RGS6: variants seen among roughly 807,000 people sequenced by gnomAD.
The protein encoded by RGS6 is regulator of G protein signaling 6.
Under a neutral mutation model 78.5 loss-of-function variants are expected in RGS6, and 30 were observed. The observed-to-expected ratio is 0.38, with a 90% CI of 0.29 to 0.52. RGS6 has a LOEUF of 0.52. Ranked by LOEUF, RGS6 falls within the 20% of genes least tolerant of loss-of-function variation. The probability of loss-of-function intolerance (pLI) is 0.85; values close to 1 mark genes in which losing one functional copy is unlikely to be tolerated. For missense variants in RGS6, 495 were observed against 609.7 expected, an observed-to-expected ratio of 0.81 and a Z score of 1.98; for synonymous variants, 206 against 206.0, an observed-to-expected ratio of 1.00 and a Z score of 0.00.
chr14:72,391,764 A>G (rs924652477), intron 3 of RGS6, among the ~76,000 whole-genome samples: 1 of 152,088 alleles, frequency 6.6e-6, no homozygotes, highest in African/African-American at 2.4e-5. Context: ...CCACCCCCTG[A>G]CAGGCCCTGG....
intron 2 of RGS6, among the ~76,000 whole-genome samples, chr14:72,330,056 C>T (rs7142983): frequency 0.044 from 6,626 of 152,308 alleles, 443 homozygotes; most frequent in African/African-American, 0.15. Flanking sequence ...ACAGCAGGTT[C>T]ACAGTCAACG....
chr14:72,249,055 C>T (rs1219559408), intron 2 of RGS6, among the ~76,000 whole-genome samples: 1 of 152,144 alleles, frequency 6.6e-6, no homozygotes, highest in Non-Finnish European at 1.5e-5. Context: ...CTGGGACTCC[C>T]TGTAACAAAA....
intron 2 of RGS6, among the ~76,000 whole-genome samples, chr14:72,333,082 C>T (rs1296528976): frequency 1.3e-5 from 2 of 152,190 alleles, no homozygotes. Flanking sequence ...CACAGGGGGC[C>T]AGGCTGCCTC....
intron 17 of RGS6, among the ~76,000 whole-genome samples, chr14:72,546,467 C>A (rs972273438): frequency 6.6e-6 from 1 of 152,190 alleles, no homozygotes; most frequent in Admixed American, 6.5e-5. Flanking sequence ...ACACTGGGCC[C>A]TAGACCCTGA....
the RGS6 span, among the ~76,000 whole-genome samples, chr14:71,922,755 C>A: frequency 6.6e-6 from 1 of 152,074 alleles, no homozygotes; most frequent in African/African-American, 2.4e-5. Flanking sequence ...TTATTATGTT[C>A]TTGACAGTTT....
At chr14:72,204,857 C>T (rs1262591040) in intron 2 of RGS6, among the ~76,000 whole-genome samples, 5 of 152,176 alleles carry the variant, frequency 3.3e-5, no homozygotes, top group Non-Finnish European at 2.9e-5. Context: ...CCTCATAGTG[C>T]TGTACTTATA....
intron 14 of RGS6, chr14:72,514,122 G>C (rs1039853201): frequency 2.6e-5 from 4 of 152,216 alleles, no homozygotes; most frequent in African/African-American, 9.6e-5. Context: ...CCAGTGAACA[G>C]AACTCAGCTT....
chr14:72,565,562 C>T lies in RGS6; in HGVS notation c.*3095C>T, dbSNP rs1266340825. On this transcript the variant is annotated 3_prime_UTR_variant, in exon 18 of 18. Coordinates refer to ENST00000553525, the MANE Select transcript of RGS6 (RefSeq NM_001204424.2). ...CAACTGCCAGTGCAGTCAGCTGGGC[C>T]TGCGCTCCAGGCTCACCACCGCTAA... 6.6e-6 allele frequency: 1 copy of T among 152,194 alleles called. No homozygotes were observed. Among genetic ancestry groups the T allele is most frequent in the Non-Finnish European group, 1.5e-5 (1 of 68,058 alleles). The allele number at this position is 152,194 out of a possible 1,614,324, so 9.4% of individuals were successfully genotyped here.
At chr14:72,472,213 A>G (rs1046125424) in intron 8 of RGS6, among the ~76,000 whole-genome samples, 2 of 151,172 alleles carry the variant, frequency 1.3e-5, no homozygotes, top group African/African-American at 4.9e-5. Context: ...CCTCTTATCT[A>G]TGCTGCAGAT....
chr14:72,116,295 T>A (rs976074486), intron 2 of RGS6, among the ~76,000 whole-genome samples: 3 of 152,128 alleles, frequency 2.0e-5, no homozygotes, highest in Non-Finnish European at 4.4e-5. Flanking sequence ...GCATCTACCA[T>A]GTGGCAGGTA....
chr14:72,020,232 T>A (rs768231096), intron 2 of RGS6, among the ~76,000 whole-genome samples: 5 of 152,236 alleles, frequency 3.3e-5, no homozygotes, highest in African/African-American at 4.8e-5. Context: ...TCTGCCAGAA[T>A]CTGGATTTCC....
Position 72,088,692 on chromosome 14 carries a change from C to T in RGS6, c.84+123817C>T, listed in dbSNP as rs78586726. The stretch of plus-strand genomic sequence containing the variant: ...TCATTCTCCTGCTTAAAAATCCCCC[C>T]GTCGTTTCCCGTTGCTCTTAGAACA... On this transcript the variant is annotated intron_variant, in intron 2 of 17. Transcript: ENST00000553525. 9.5e-3 allele frequency among the ~76,000 whole-genome samples: 1,452 copies of T among 152,290 alleles called. 13 individuals are homozygous for T. Among genetic ancestry groups the T allele is most frequent in the Non-Finnish European group, 0.014 (931 of 68,020 alleles).
chr14:72,487,777 T>C (rs928575157), intron 12 of RGS6, among the ~76,000 whole-genome samples: 8 of 152,302 alleles, frequency 5.3e-5, no homozygotes, highest in Admixed American at 2.6e-4. Flanking sequence ...GACTTCTGAC[T>C]CTTAGAATTA....
At chr14:72,470,894 A>G (rs865859126) in intron 8 of RGS6, among the ~76,000 whole-genome samples, 7 of 151,738 alleles carry the variant, frequency 4.6e-5, no homozygotes, top group African/African-American at 1.7e-4. Context: ...AAAAAAAAAA[A>G]AAACAAGATT....
intron 3 of RGS6, among the ~76,000 whole-genome samples, chr14:72,361,740 A>G (rs775247180): frequency 2.0e-5 from 3 of 152,128 alleles, no homozygotes; most frequent in Non-Finnish European, 4.4e-5. Context: ...ATGGAATGAG[A>G]AGCAAAGGAC....
At chr14:72,124,905 A>T (rs2096149940) in intron 2 of RGS6, among the ~76,000 whole-genome samples, 1 of 152,224 alleles carries the variant, frequency 6.6e-6, no homozygotes, top group Non-Finnish European at 1.5e-5. Context: ...CAAAAGTCAG[A>T]TAAACAACAT....
intron 2 of RGS6, among the ~76,000 whole-genome samples, chr14:72,161,116 T>C (rs1272853258): frequency 1.3e-5 from 2 of 152,130 alleles, no homozygotes; most frequent in Non-Finnish European, 2.9e-5. Context: ...CTGGAAACCA[T>C]CATTCTCAGC....
rs1555428453 is a variant in RGS6 at position 72,005,467 on chromosome 14, A to ATCTATCTATCTATCTATCTATCTG, written c.84+40593_84+40594insCTATCTATCTATCTATCTATCTGT. Among the ~76,000 whole-genome samples, 1,363 of 151,280 alleles carry ATCTATCTATCTATCTATCTATCTG rather than the reference A, an allele frequency of 9.0e-3. 23 individuals carry two copies. Among genetic ancestry groups the ATCTATCTATCTATCTATCTATCTG allele is most frequent in the African/African-American group, 0.031 (1,269 of 41,210 alleles). The stretch of plus-strand genomic sequence containing the variant: ...TATCTATCTATCTATCTATCTATCT[A>ATCTATCTATCTATCTATCTATCTG]TATCTCCCTATTCATTCAGCAACCT... On this transcript the variant is annotated intron_variant, in intron 2 of 17. Coordinates refer to ENST00000553525, the MANE Select transcript of RGS6 (RefSeq NM_001204424.2).
At chr14:72,324,099 GTCACCCTGTTGTGCTA>G (rs2073007515) in intron 2 of RGS6, among the ~76,000 whole-genome samples, 1 of 151,906 alleles carries the variant, frequency 6.6e-6, no homozygotes, top group South Asian at 2.1e-4. Flanking sequence ...ACTGACTGCA[GTCACCCTGTTGTGCTA>G]TCAAATACTA....
Sources: gnomAD v4.1 joint callset for allele counts (sites outside exome capture counted in the v4.1 genomes callset) on GRCh38, gnomAD v4.1.1 for gene constraint, MANE v1.5 for transcripts, NCBI Gene and HGNC (gene_info 2026-07-23, HGNC 2026-07-21) for gene names.